The following STON1 variants were observed in gnomAD, a reference collection of about 807,000 sequenced individuals.
STON1 encodes stonin-1.
In STON1, 79 loss-of-function variants were observed where a neutral mutation model predicts 60.9. That is an observed-to-expected ratio of 1.30 (90% CI 1.08 to 1.56). The LOEUF (loss-of-function observed/expected upper bound fraction) is 1.56. Among genes scored for constraint, STON1 ranks in the 40% most tolerant of loss-of-function variants. The pLI, the probability that STON1 is intolerant of heterozygous loss-of-function variation, is 0.00. For synonymous variants in STON1, 363 were observed against 306.9 expected (o/e 1.18, Z -1.91); for missense variants, 1,166 against 858.9 (o/e 1.36, Z -4.47).
chr2:48,548,614 CCA>C (rs979968438), intron 1 of STON1, among the ~76,000 whole-genome samples: 7 of 151,816 alleles, frequency 4.6e-5, no homozygotes, highest in Admixed American at 1.3e-4. Flanking sequence ...TTCTCAAGCC[CCA>C]GTCTCCAGAG....
At chr2:48,542,974 T>C (rs1221154527) in intron 1 of STON1, among the ~76,000 whole-genome samples, 3 of 141,346 alleles carry the variant, frequency 2.1e-5, no homozygotes, top group African/African-American at 5.6e-5. Context: ...ATCTTGACTT[T>C]TTTTTTTTTT....
In STON1 at chr2:48,591,644, T is replaced by C. The variant is rs751223204; in HGVS notation, c.1931-9T>C. On this transcript the variant is annotated splice_polypyrimidine_tract_variant and intron_variant, in intron 2 of 3. Transcript: ENST00000404752. ...AATACTTTGACTATTTGATTTTTTT[T>C]CCCTCGAGGTCTAGATCATCCCCAT... 3 of 1,611,400 alleles carry C rather than the reference T, an allele frequency of 1.9e-6. No individual in the cohort carries two copies. Among genetic ancestry groups the C allele is most frequent in the Middle Eastern group, 1.8e-4 (1 of 5,584 alleles).
At chr2:48,567,363 C>T (rs185878180) in intron 1 of STON1, among the ~76,000 whole-genome samples, 27 of 152,244 alleles carry the variant, frequency 1.8e-4, no homozygotes, top group Non-Finnish European at 3.5e-4. Flanking sequence ...TCCAAACTTT[C>T]GCTTTCCCCT....
chr2:48,590,237 A>G (rs1318836929), intron 2 of STON1, among the ~76,000 whole-genome samples: 1 of 152,156 alleles, frequency 6.6e-6, no homozygotes, highest in Non-Finnish European at 1.5e-5. Context: ...CTGTTGTCCT[A>G]CCCTTCCTGT....
intron 1 of STON1, among the ~76,000 whole-genome samples, chr2:48,565,337 C>T (rs1672894764): frequency 6.6e-6 from 1 of 152,140 alleles, no homozygotes; most frequent in Admixed American, 6.5e-5. Flanking sequence ...CAGGCGTGAG[C>T]CACCGCGCCC....
chr2:48,565,746 A>G (rs1672916236), intron 1 of STON1, among the ~76,000 whole-genome samples: 1 of 152,212 alleles, frequency 6.6e-6, no homozygotes, highest in South Asian at 2.1e-4. Context: ...ACAGAGGAGG[A>G]GAAAGGAAAA....
At position 48,539,690 on chromosome 2, in the gene STON1, C is replaced by G. The variant is rs556817528; in HGVS notation, c.-48+9474C>G. 1.4e-4 allele frequency among the ~76,000 whole-genome samples: 22 copies of G among 152,124 alleles called. No homozygotes were observed. In the South Asian group the frequency reaches 4.6e-3, roughly 32 times the overall value. The stretch of plus-strand genomic sequence containing the variant: ...CTAATTTTTGTATTTTTAGTAGAAA[C>G]TAAAGTTCCTGGGCTCAAACGATCA... On this transcript the variant is annotated intron_variant, in intron 1 of 3. Coordinates refer to ENST00000404752, the MANE Select transcript of STON1 (RefSeq NM_006873.4).
intron 1 of STON1, among the ~76,000 whole-genome samples, chr2:48,549,456 C>G (rs911602812): frequency 6.6e-6 from 1 of 152,086 alleles, no homozygotes; most frequent in African/African-American, 2.4e-5. Context: ...TTGTTTCCAT[C>G]TGGTATCAAA....
chr2:48,570,209 T>G (rs1339195113), intron 1 of STON1, among the ~76,000 whole-genome samples: 1 of 152,062 alleles, frequency 6.6e-6, no homozygotes, highest in Non-Finnish European at 1.5e-5. Flanking sequence ...GTGATGCACA[T>G]CTGTAATCTC....
At position 48,564,505 on chromosome 2, in the gene STON1, T is replaced by TTCTTCTTCTTCC. The variant is rs1672807792; in HGVS notation, c.-47-16071_-47-16070insCTCTTCTTCTTC. 1.2e-4 allele frequency among the ~76,000 whole-genome samples: 3 copies of TTCTTCTTCTTCC among 25,582 alleles called. 1 individual carries two copies. Among genetic ancestry groups the TTCTTCTTCTTCC allele is most frequent in the African/African-American group, 5.5e-4 (3 of 5,476 alleles). 16.8% of individuals were successfully genotyped at this position (25,582 alleles called of 152,430 possible). A position where few individuals can be genotyped will look rare whatever the true frequency, so the allele number is the denominator to read the frequency against. ...TTTCTTCTTCTTCTTCTTCTTCTTC[T>TTCTTCTTCTTCC]TCTTCTTCTTCTTCTTCTTCTTCTT... On this transcript the variant is annotated intron_variant, in intron 1 of 3. Transcript: ENST00000404752.
chr2:48,544,338 C>T (rs1558575237), intron 1 of STON1, among the ~76,000 whole-genome samples: 1 of 152,142 alleles, frequency 6.6e-6, no homozygotes, highest in Non-Finnish European at 1.5e-5. Context: ...TTTTCCATTG[C>T]AGAGCTAAGT....
At chr2:48,542,665 G>A (rs1371547888) in intron 1 of STON1, among the ~76,000 whole-genome samples, 1 of 152,152 alleles carries the variant, frequency 6.6e-6, no homozygotes, top group Non-Finnish European at 1.5e-5. Flanking sequence ...AGCACTTTGG[G>A]AGGCCGAGGT....
At chr2:48,533,391 G>T (rs1461623948) in intron 1 of STON1, among the ~76,000 whole-genome samples, 2 of 147,824 alleles carry the variant, frequency 1.4e-5, no homozygotes, top group African/African-American at 2.5e-5. Context: ...GAAAAGAAAA[G>T]AAAAAAAAAG....
chr2:48,582,739 C>G (rs1357106360), intron 2 of STON1, among the ~76,000 whole-genome samples, 176 bp downstream of exon 2: 2 of 152,166 alleles, frequency 1.3e-5, no homozygotes, highest in Non-Finnish European at 2.9e-5. Flanking sequence ...CCTTTTGCAC[C>G]TATTTCTACC....
At chr2:48,563,813 C>T (rs1366396003) in intron 1 of STON1, among the ~76,000 whole-genome samples, 5 of 152,070 alleles carry the variant, frequency 3.3e-5, no homozygotes, top group African/African-American at 9.7e-5. Flanking sequence ...CTCACCTCGG[C>T]CTCCTAAGTA....
At chr2:48,588,075 A>C (rs1674314464) in intron 2 of STON1, among the ~76,000 whole-genome samples, 2 of 152,200 alleles carry the variant, frequency 1.3e-5, no homozygotes, top group Non-Finnish European at 2.9e-5. Context: ...CTTTGTCCTA[A>C]GGCAGTGCTT....
At chr2:48,538,779 TTTTTTTTTTTATA>T (rs1206779480) in intron 1 of STON1, among the ~76,000 whole-genome samples, 5 of 148,572 alleles carry the variant, frequency 3.4e-5, no homozygotes, top group African/African-American at 1.2e-4. Context: ...TTTTTTTTTT[TTTTTTTTTTTATA>T]TTTTCTGTAG....
In STON1 at chr2:48,591,786, G is replaced by A. The variant is rs536670845; in HGVS notation, c.2064G>A (p.Arg688=). The stretch of plus-strand genomic sequence containing the variant: ...CCTGTGCCTCAAGGACAGAGGTCAG[G>A]TCTCTGGGAGTGGAGAGTGATGTCC... ...PDTCASRTEV[R]SLGVESDVQP... Residue 688 remains arginine, a synonymous_variant, in exon 3 of 4, where the codon AGG becomes AGA. Coordinates refer to ENST00000404752, the MANE Select transcript of STON1 (RefSeq NM_006873.4). 1.5e-4 allele frequency: 249 copies of A among 1,614,178 alleles called. 4 individuals carry two copies. In the South Asian group the frequency reaches 2.6e-3, roughly 17 times the overall value.
intron 1 of STON1, among the ~76,000 whole-genome samples, chr2:48,554,471 C>CTT (rs1672227182): frequency 6.6e-6 from 1 of 152,188 alleles, no homozygotes; most frequent in Non-Finnish European, 1.5e-5. Flanking sequence ...GATCTGCCTG[C>CTT]CTCGGCCTCC....
Sources: gnomAD v4.1 joint callset for allele counts (sites outside exome capture counted in the v4.1 genomes callset) on GRCh38, gnomAD v4.1.1 for gene constraint, MANE v1.5 for transcripts, NCBI Gene and HGNC (gene_info 2026-07-23, HGNC 2026-07-21) for gene names.